Variants in FOCAD observed in about 807,000 individuals in gnomAD.
FOCAD encodes the protein focadhesin.
In FOCAD, 198 loss-of-function variants were observed where a neutral mutation model predicts 225.6. That is an observed-to-expected ratio of 0.88 (90% CI 0.78 to 0.99). The LOEUF (loss-of-function observed/expected upper bound fraction) is 0.99. Ranked by LOEUF, FOCAD falls within the 50% of genes least tolerant of loss-of-function variation. The pLI, the probability that FOCAD is intolerant of heterozygous loss-of-function variation, is 0.00. For missense variants in FOCAD, 2,713 were observed against 2,123.6 expected (o/e 1.28, Z -5.46); for synonymous variants, 897 against 755.0 (o/e 1.19, Z -3.08).
intron 33 of FOCAD, 95 bp downstream of exon 33, chr9:20,949,770 A>G: frequency 9.2e-7 from 1 of 1,085,512 alleles, no homozygotes; most frequent in Non-Finnish European, 1.4e-6. Context: ...TACCTGGAAA[A>G]TGGGAAAGTC....
chr9:20,951,286 G>A (rs1837664531), intron 34 of FOCAD, among the ~76,000 whole-genome samples, 188 bp downstream of exon 34: 1 of 152,190 alleles, frequency 6.6e-6, no homozygotes, highest in African/African-American at 2.4e-5. Flanking sequence ...GTGACAGTAA[G>A]TGATGGACAT....
intron 21 of FOCAD, among the ~76,000 whole-genome samples, chr9:20,901,723 A>G (rs1832581365): frequency 6.6e-6 from 1 of 151,934 alleles, no homozygotes; most frequent in Non-Finnish European, 1.5e-5. Context: ...TAAGCAGAAC[A>G]TTTCCTGTTG....
At chr9:20,796,302 T>G (rs927035047) in intron 11 of FOCAD, among the ~76,000 whole-genome samples, 2 of 152,226 alleles carry the variant, frequency 1.3e-5, no homozygotes, top group African/African-American at 4.8e-5. Context: ...TATAGCAGCA[T>G]GATTTATAAA....
chr9:20,691,362 A>G (rs1000186425), intron 1 of FOCAD, among the ~76,000 whole-genome samples: 4 of 152,142 alleles, frequency 2.6e-5, no homozygotes, highest in African/African-American at 7.2e-5. Flanking sequence ...TATCTCCCTG[A>G]TAAGAGTGCT....
At position 20,845,221 on chromosome 9, in the gene FOCAD, T is replaced by A. The variant is rs374031701; in HGVS notation, c.1921-17357T>A. Reference sequence around the variant, plus strand: ...TTAATGCATGAGACACATTTGATGCTCAAAAATCAGAAAATATGGATTAGC... The same window carrying A: ...TTAATGCATGAGACACATTTGATGCACAAAAATCAGAAAATATGGATTAGC... On this transcript the variant is annotated intron_variant, in intron 15 of 43. Transcript: ENST00000338382. Among the ~76,000 whole-genome samples, 8 of 152,108 alleles carry A rather than the reference T, an allele frequency of 5.3e-5. 1 individual carries two copies. The highest frequency in any genetic ancestry group is 1.9e-4 in the African/African-American group (8 of 41,528).
At chr9:20,893,698 A>C (rs1326782411) in intron 21 of FOCAD, among the ~76,000 whole-genome samples, 1 of 152,060 alleles carries the variant, frequency 6.6e-6, no homozygotes, top group Non-Finnish European at 1.5e-5. Context: ...ATTTGTAAAA[A>C]CAGACTTTAT....
At chr9:20,791,219 G>GCA (rs563531943) in intron 11 of FOCAD, among the ~76,000 whole-genome samples, 145 of 106,736 alleles carry the variant, frequency 1.4e-3, no homozygotes, top group South Asian at 4.5e-3. Flanking sequence ...ATATATGCAT[G>GCA]CACACACACA....
At chr9:20,904,071 C>A (rs1256198046) in intron 21 of FOCAD, among the ~76,000 whole-genome samples, 1 of 151,906 alleles carries the variant, frequency 6.6e-6, no homozygotes, top group Non-Finnish European at 1.5e-5. Context: ...CAAGGTTCAG[C>A]CATAGTGTAT....
intron 7 of FOCAD, among the ~76,000 whole-genome samples, 181 bp from the exon 8 acceptor site, chr9:20,769,851 C>G (rs191910624): frequency 1.3e-5 from 2 of 152,242 alleles, no homozygotes; most frequent in East Asian, 3.9e-4. Flanking sequence ...TGGTTAATAA[C>G]CAGAGGATAA....
chr9:20,899,663 G>A (rs1479865346), intron 21 of FOCAD, among the ~76,000 whole-genome samples: 1 of 151,892 alleles, frequency 6.6e-6, no homozygotes, highest in Admixed American at 6.6e-5. Context: ...GTTCATTGTT[G>A]ATACTTCTTG....
Position 20,874,685 on chromosome 9 carries a change from G to T in FOCAD, c.2195G>T (p.Arg732Ile). 6.2e-7 allele frequency: 1 copy of T among 1,613,066 alleles called. No individual in the cohort carries two copies. The highest frequency in any genetic ancestry group is 1.1e-5 in the South Asian group (1 of 90,992). ...TCTTTTCGCTTATCATTTCAGATAA[G>T]ACCAGAAATTCCCATTCCTGAAGAG... is the stretch of plus-strand genomic sequence containing the variant. ...HTILHLPEKI[R>I]PEIPIPEELD... Residue 732 changes from arginine (R) to isoleucine (I), a missense_variant, in exon 19 of 44, where the codon AGA (arginine) becomes ATA (isoleucine). By Grantham distance (97) the Arg-to-Ile change is moderately conservative. Coordinates refer to ENST00000338382, the MANE Select transcript of FOCAD (RefSeq NM_001375567.1).
intron 6 of FOCAD, among the ~76,000 whole-genome samples, chr9:20,764,618 A>C (rs1829900630): frequency 6.6e-6 from 1 of 152,242 alleles, no homozygotes; most frequent in Non-Finnish European, 1.5e-5. Flanking sequence ...TAATGTGCAA[A>C]TAGAGACTGT....
rs184473223 is a variant in FOCAD, at chr9:20,698,853, A to G, written c.-33+14560A>G. ...AGATTTGTCCATTAATACTTTTGCAAAAAGTGTGCTTGATTTTAAACCTTT... is the reference window on the plus strand; with the variant it reads ...AGATTTGTCCATTAATACTTTTGCAGAAAGTGTGCTTGATTTTAAACCTTT... On this transcript the variant is annotated intron_variant, in intron 1 of 43. Coordinates refer to ENST00000338382, the MANE Select transcript of FOCAD (RefSeq NM_001375567.1). Among the ~76,000 whole-genome samples the G allele has an allele frequency of 3.2e-3, 463 of 143,950 alleles. 4 individuals carry two copies. Among genetic ancestry groups the G allele is most frequent in the African/African-American group, 8.7e-3 (357 of 40,900 alleles). 94.4% of individuals were successfully genotyped at this position (143,950 alleles called of 152,430 possible).
intron 11 of FOCAD, among the ~76,000 whole-genome samples, chr9:20,803,953 A>G (rs1426126406): frequency 6.6e-6 from 1 of 152,096 alleles, no homozygotes; most frequent in African/African-American, 2.4e-5. Flanking sequence ...TTTGCCACAG[A>G]GATTCTGAAT....
At position 20,667,508 on chromosome 9, in the gene FOCAD, C is replaced by G. The variant is rs375735635; in HGVS notation, c.-78+8682C>G. Among the ~76,000 whole-genome samples the G allele has an allele frequency of 1.8e-4, 27 of 152,274 alleles. No individual in the cohort carries two copies. In the East Asian group the frequency reaches 2.3e-3, roughly 13 times the overall value. ...AGATCTCCTTTGTTTTAACCTCATC[C>G]AAAATTAATCCCACTTTTTGATCAC... On this transcript the variant is annotated intron_variant, in intron 2 of 45. Transcript: ENST00000380249.
At chr9:20,901,730 G>A (rs1481580232) in intron 21 of FOCAD, among the ~76,000 whole-genome samples, 1 of 151,812 alleles carries the variant, frequency 6.6e-6, no homozygotes, top group African/African-American at 2.4e-5. Context: ...AACATTTCCT[G>A]TTGTGATAGT....
intron 4 of FOCAD, among the ~76,000 whole-genome samples, chr9:20,730,990 C>T (rs1826638755): frequency 6.6e-6 from 1 of 152,272 alleles, no homozygotes; most frequent in East Asian, 1.9e-4. Context: ...AATCCCAGCA[C>T]TTTGGGAGGC....
At chr9:20,978,275 A>G in intron 36 of FOCAD, 64 bp from the exon 37 acceptor site, 6 of 1,048,846 alleles carry the variant, frequency 5.7e-6, no homozygotes, top group South Asian at 1.8e-5. Context: ...TTGAGATATT[A>G]AAGCCTGAAA....
chr9:20,806,746 T>C (rs1414471947), intron 11 of FOCAD, among the ~76,000 whole-genome samples: 2 of 152,190 alleles, frequency 1.3e-5, no homozygotes, highest in Admixed American at 6.5e-5. Flanking sequence ...AGCTATTAGG[T>C]TTATTAATAT....
Sources: allele counts gnomAD v4.1 joint callset (sites outside exome capture counted in the v4.1 genomes callset), GRCh38; gene constraint gnomAD v4.1.1; transcripts MANE v1.5; gene names NCBI Gene and HGNC (gene_info 2026-07-23, HGNC 2026-07-21).